Variants in MINAR2 observed in about 807,000 individuals in gnomAD.
MINAR2 encodes major intrinsically disordered NOTCH2-binding receptor 1-like.
A neutral mutation model predicts 16.1 loss-of-function variants in MINAR2; 21 were observed. The ratio of observed to expected loss-of-function variants is 1.31; its 90% CI spans 0.93 to 1.88. The LOEUF (loss-of-function observed/expected upper bound fraction) is 1.88, where lower values mean the gene tolerates loss of function less well. Ranked by LOEUF, MINAR2 falls within the 40% of genes most tolerant of loss-of-function variation. MINAR2 has a pLI of 0.00. For missense variants in MINAR2, 259 were observed against 229.8 expected, an observed-to-expected ratio of 1.13 and a Z score of -0.82; for synonymous variants, 86 against 83.0, an observed-to-expected ratio of 1.04 and a Z score of -0.20.
chr5:129,758,587 T>G (rs993633388), intron 1 of MINAR2, among the ~76,000 whole-genome samples: 3 of 151,962 alleles, frequency 2.0e-5, no homozygotes, highest in Non-Finnish European at 4.4e-5. Context: ...GAGTGTGTAC[T>G]TTTTTTCTTG....
In MINAR2 at chr5:129,766,655, AACAAACAAAC is replaced by A. The variant is rs1474869659; in HGVS notation, c.*1594_*1603del. The A allele has an allele frequency of 2.3e-5, 2 of 85,330 alleles. No homozygotes were observed. Among genetic ancestry groups the A allele is most frequent in the African/African-American group, 1.0e-4 (2 of 19,438 alleles). 5.3% of individuals were successfully genotyped at this position (85,330 alleles called of 1,614,324 possible). On this transcript the variant is annotated 3_prime_UTR_variant, in exon 3 of 3. Coordinates refer to ENST00000564719, the MANE Select transcript of MINAR2 (RefSeq NM_001257308.2). ...TCCATAAAAAAAAAAAAAAAAAAAA[AACAAACAAAC>A]AAACAAAAAAAACCCCAAAAAAAGA...
chr5:129,750,381 G>C (rs927949432), intron 1 of MINAR2, among the ~76,000 whole-genome samples: 2 of 152,130 alleles, frequency 1.3e-5, no homozygotes, highest in Non-Finnish European at 2.9e-5. Context: ...CTACCAAATA[G>C]TTCTTAATTT....
intron 1 of MINAR2, among the ~76,000 whole-genome samples, chr5:129,758,941 CT>C (rs1758089826): frequency 6.6e-6 from 1 of 151,934 alleles, no homozygotes; most frequent in Non-Finnish European, 1.5e-5. Flanking sequence ...GACCAAGGAC[CT>C]ATTAAACTCA....
rs941545075 is a variant in MINAR2, at chr5:129,765,810, A to G, written c.*747A>G. Reference sequence around the variant, plus strand: ...AGTCAGTGTGCATATATTACCAACCATGGTCTAGGTTGGGGGTCCCTAGGA... The same window carrying G: ...AGTCAGTGTGCATATATTACCAACCGTGGTCTAGGTTGGGGGTCCCTAGGA... On this transcript the variant is annotated 3_prime_UTR_variant, in exon 3 of 3. Transcript: ENST00000564719. 1.3e-5 allele frequency: 2 copies of G among 152,194 alleles called. No homozygotes were observed. Among genetic ancestry groups the G allele is most frequent in the Admixed American group, 6.5e-5 (1 of 15,284 alleles). 9.4% of individuals were successfully genotyped at this position (152,194 alleles called of 1,614,324 possible). A position where few individuals can be genotyped will look rare whatever the true frequency, so the allele number is the denominator to read the frequency against.
intron 2 of MINAR2, among the ~76,000 whole-genome samples, chr5:129,763,907 G>T (rs1157373047): frequency 6.6e-6 from 1 of 152,138 alleles, no homozygotes; most frequent in Non-Finnish European, 1.5e-5. Flanking sequence ...TCCTGAGACT[G>T]GAGAGGCAAA....
chr5:129,760,428 C>G lies in MINAR2; in HGVS notation c.216C>G (p.Asp72Glu). ...AAQRIRGSSADSLVTADSPPP... is the reference protein window; with the variant it reads ...AAQRIRGSSAESLVTADSPPP... ...AACGAATTAGGGGATCCAGTGCAGA[C>G]AGCCTTGTCACTGCTGATAGCCCCC... The change falls in exon 2 of 3, where the codon GAC (aspartate) becomes GAG (glutamate). Residue 72 changes from aspartate to glutamate, a missense_variant. By Grantham distance (45) the Asp-to-Glu change is conservative. Coordinates refer to ENST00000564719, the MANE Select transcript of MINAR2 (RefSeq NM_001257308.2). 6.5e-7 allele frequency: 1 copy of G among 1,535,752 alleles called. No homozygotes were observed. The highest frequency in any genetic ancestry group is 8.7e-7 in the Non-Finnish European group (1 of 1,146,578).
chr5:129,762,650 T>G, intron 2 of MINAR2: 1 of 283,606 alleles, frequency 3.5e-6, no homozygotes, highest in Non-Finnish European at 7.4e-6. Flanking sequence ...ACTTCCGTGC[T>G]TCTTTATTTC....
chr5:129,748,442 C>T, intron 1 of MINAR2, 87 bp downstream of exon 1: 3 of 1,369,862 alleles, frequency 2.2e-6, no homozygotes, highest in Non-Finnish European at 2.9e-6. Context: ...AACAAGAAGC[C>T]TATAGGAACA....
rs1014340396 is a variant in MINAR2, at chr5:129,765,238, C to T, written c.*175C>T. 3 of 412,138 alleles carry T rather than the reference C, an allele frequency of 7.3e-6. No homozygotes were observed. The highest frequency in any genetic ancestry group is 4.1e-5 in the African/African-American group (2 of 48,868). The allele number at this position is 412,138 out of a possible 1,614,324, so 25.5% of individuals were successfully genotyped here. The stretch of plus-strand genomic sequence containing the variant: ...GAATGTGAATGTCAGGCGTGGTATG[C>T]TGGCTTCTCCACTTTGTTCTATAAA... On this transcript the variant is annotated 3_prime_UTR_variant, in exon 3 of 3. Coordinates refer to ENST00000564719, the MANE Select transcript of MINAR2 (RefSeq NM_001257308.2).
In MINAR2 at chr5:129,748,271, A is replaced by C. The variant is rs1238337094; in HGVS notation, c.81A>C (p.Ser27=). 6 of 1,535,264 alleles carry C rather than the reference A, an allele frequency of 3.9e-6. No homozygotes were observed. The highest frequency in any genetic ancestry group is 5.2e-6 in the Non-Finnish European group (6 of 1,146,568). ...QLDVKSLTRS[S]ALLQASLVRF... Reference sequence around the variant, plus strand: ...ACGTAAAGTCTTTAACGAGGAGCTCAGCCCTCCTTCAGGCCAGCCTGGTGA... The same window carrying C: ...ACGTAAAGTCTTTAACGAGGAGCTCCGCCCTCCTTCAGGCCAGCCTGGTGA... The change falls in exon 1 of 3, where the codon TCA becomes TCC. Residue 27 remains serine (S), a synonymous_variant. Transcript: ENST00000564719.
chr5:129,756,953 A>C (rs199754970), intron 1 of MINAR2, among the ~76,000 whole-genome samples: 176 of 148,612 alleles, frequency 1.2e-3, no homozygotes, highest in East Asian at 7.9e-3. Flanking sequence ...AAAAAAAAAA[A>C]AAAAACACAC....
At chr5:129,754,770 C>CTGTAG (rs1252970365) in intron 1 of MINAR2, among the ~76,000 whole-genome samples, 2 of 152,072 alleles carry the variant, frequency 1.3e-5, no homozygotes, top group African/African-American at 4.8e-5. Context: ...CTATTTTGCC[C>CTGTAG]ATAAACATCC....
At chr5:129,751,479 T>A (rs1757984406) in intron 1 of MINAR2, among the ~76,000 whole-genome samples, 1 of 152,144 alleles carries the variant, frequency 6.6e-6, no homozygotes, top group African/African-American at 2.4e-5. Flanking sequence ...AAGTGCTCAA[T>A]TATAGGCATG....
Position 129,748,277 on chromosome 5 carries a change from C to T in MINAR2, c.87C>T (p.Leu29=), listed in dbSNP as rs1757940940. The T allele has an allele frequency of 9.8e-6, 15 of 1,535,276 alleles. No individual in the cohort carries two copies. Among genetic ancestry groups the T allele is most frequent in the Non-Finnish European group, 1.2e-5 (14 of 1,146,590 alleles). The part of the protein sequence containing the change: ...DVKSLTRSSA[L]LQASLVRFPG... ...AGTCTTTAACGAGGAGCTCAGCCCT[C>T]CTTCAGGCCAGCCTGGTGAGGTTTC... Residue 29 remains leucine (L), a synonymous_variant, in exon 1 of 3, where the codon CTC becomes CTT. Coordinates refer to ENST00000564719, the MANE Select transcript of MINAR2 (RefSeq NM_001257308.2).
chr5:129,756,750 A>T (rs544319942), intron 1 of MINAR2, among the ~76,000 whole-genome samples: 1 of 151,996 alleles, frequency 6.6e-6, no homozygotes, highest in Non-Finnish European at 1.5e-5. Context: ...TTAGATGCAT[A>T]CAAGTTTAGA....
chr5:129,766,650 AAAAAAACAAAC>A lies in MINAR2; in HGVS notation c.*1591_*1601del, dbSNP rs1252589129. On this transcript the variant is annotated 3_prime_UTR_variant, in exon 3 of 3. Transcript: ENST00000564719. ...AGACTTCCATAAAAAAAAAAAAAAA[AAAAAAACAAAC>A]AAACAAACAAAAAAAACCCCAAAAA... 1 of 147,870 alleles carries A rather than the reference AAAAAAACAAAC, an allele frequency of 6.8e-6. No individual in the cohort carries two copies. Among genetic ancestry groups the A allele is most frequent in the African/African-American group, 2.5e-5 (1 of 39,260 alleles). The allele number at this position is 147,870 out of a possible 1,614,324, so 9.2% of individuals were successfully genotyped here.
At chr5:129,752,468 A>G (rs1757997356) in intron 1 of MINAR2, among the ~76,000 whole-genome samples, 1 of 152,214 alleles carries the variant, frequency 6.6e-6, no homozygotes, top group African/African-American at 2.4e-5. Flanking sequence ...AAACTATCAC[A>G]AGAACAGAAA....
At chr5:129,759,518 G>A (rs1447108055) in intron 1 of MINAR2, among the ~76,000 whole-genome samples, 1 of 152,018 alleles carries the variant, frequency 6.6e-6, no homozygotes, top group African/African-American at 2.4e-5. Context: ...AAAATCTGAA[G>A]GTCAAGCCAG....
chr5:129,757,080 AT>A (rs975636222), intron 1 of MINAR2, among the ~76,000 whole-genome samples: 8 of 149,916 alleles, frequency 5.3e-5, no homozygotes, highest in African/African-American at 2.0e-4. Flanking sequence ...ATATATATAT[AT>A]ATCTCATCAC....
Sources: gnomAD v4.1 joint callset for allele counts (sites outside exome capture counted in the v4.1 genomes callset) on GRCh38, gnomAD v4.1.1 for gene constraint, MANE v1.5 for transcripts, NCBI Gene and HGNC (gene_info 2026-07-23, HGNC 2026-07-21) for gene names.